TMEM229B: variants seen among roughly 807,000 people sequenced by gnomAD.
TMEM229B encodes chromosome 14 open reading frame 83.
TMEM229B carries 6 observed loss-of-function variants against 13.7 expected under a neutral mutation model. The ratio of observed to expected loss-of-function variants is 0.44; its 90% CI spans 0.24 to 0.86. TMEM229B has a LOEUF of 0.86. TMEM229B is among the 40% of genes least tolerant of loss of function. TMEM229B has a pLI of 0.23. For synonymous variants in TMEM229B, 107 were observed against 102.1 expected (o/e 1.05, Z -0.29); for missense variants, 170 against 236.0 (o/e 0.72, Z 1.83).
At chr14:67,488,722 A>G (rs2032027114), upstream of TMEM229B, 1 of 152,424 alleles carries the variant, frequency 6.6e-6, no homozygotes, top group African/African-American at 2.4e-5. Flanking sequence ...AGTCAGAACT[A>G]AAACAGAAAC....
intron 1 of TMEM229B, among the ~76,000 whole-genome samples, chr14:67,512,236 A>T (rs961777789): frequency 1.3e-5 from 2 of 152,216 alleles, no homozygotes; most frequent in Non-Finnish European, 2.9e-5. Flanking sequence ...AGGGGAACCA[A>T]ACCAAAAGTG....
upstream of TMEM229B, among the ~76,000 whole-genome samples, chr14:67,519,343 C>A (rs1225968389): frequency 1.3e-5 from 2 of 152,222 alleles, no homozygotes; most frequent in Non-Finnish European, 2.9e-5. Context: ...CTCGAAAGGA[C>A]TAGCACAGCA....
At chr14:67,489,336 A>T (rs555348667), upstream of TMEM229B, among the ~76,000 whole-genome samples, 1 of 152,084 alleles carries the variant, frequency 6.6e-6, no homozygotes, top group African/African-American at 2.4e-5. Context: ...TTCCCACCCA[A>T]ATCTCATCCT....
chr14:67,495,969 A>ACACAGG (rs2032349053), intron 1 of TMEM229B, among the ~76,000 whole-genome samples: 1 of 152,194 alleles, frequency 6.6e-6, no homozygotes, highest in South Asian at 2.1e-4. Flanking sequence ...AAGCCCTCAG[A>ACACAGG]CACAGGCACA....
chr14:67,475,170 C>A (rs1323029749), intron 2 of TMEM229B, among the ~76,000 whole-genome samples: 1 of 152,220 alleles, frequency 6.6e-6, no homozygotes, highest in Non-Finnish European at 1.5e-5. Flanking sequence ...CCGCCTTGGC[C>A]TCCCAAAGTG....
chr14:67,533,282 G>C (rs1010886997), intron 1 of TMEM229B: 1 of 151,960 alleles, frequency 6.6e-6, no homozygotes, highest in Admixed American at 6.6e-5. Context: ...GCCGGGGAGG[G>C]GAGAACCGGC....
At chr14:67,501,342 C>T (rs946597933) in intron 1 of TMEM229B, among the ~76,000 whole-genome samples, 2 of 151,976 alleles carry the variant, frequency 1.3e-5, no homozygotes, top group African/African-American at 4.8e-5. Flanking sequence ...ATTTAGTAAT[C>T]AAGATAAACG....
chr14:67,493,115 C>A (rs187345788), upstream of TMEM229B, among the ~76,000 whole-genome samples: 1 of 152,088 alleles, frequency 6.6e-6, no homozygotes, highest in African/African-American at 2.4e-5. Context: ...GTGAAGAGAC[C>A]CTGAAGTAGG....
intron 1 of TMEM229B, among the ~76,000 whole-genome samples, chr14:67,507,029 G>T (rs141053590): frequency 1.1e-4 from 16 of 152,112 alleles, no homozygotes; most frequent in African/African-American, 3.1e-4. Flanking sequence ...TGTTCAAAGG[G>T]AACTGAAGAT....
Position 67,473,320 on chromosome 14 carries a change from G to T in TMEM229B, c.*100C>A. ...GCCCTATAGGGCTGAGGCTTGGCCG[G>T]AGCAGGGCTTTTGCTGCATGGATGG... On this transcript the variant is annotated 3_prime_UTR_variant, in exon 3 of 3. Coordinates refer to ENST00000554480, the MANE Select transcript of TMEM229B (RefSeq NM_001348543.2). This position sits in a 1 kb window ranked among gnomAD's most constrained non-coding sequence, Gnocchi z 6.5. The T allele has an allele frequency of 6.6e-7, 1 of 1,504,456 alleles. No homozygotes were observed. The highest frequency in any genetic ancestry group is 1.3e-5 in the South Asian group (1 of 78,108). 93.2% of individuals were successfully genotyped at this position (1,504,456 alleles called of 1,614,324 possible). A position where few individuals can be genotyped will look rare whatever the true frequency, so the allele number is the denominator to read the frequency against.
intron 1 of TMEM229B, among the ~76,000 whole-genome samples, chr14:67,522,221 G>A (rs1298308226): frequency 6.6e-6 from 1 of 152,066 alleles, no homozygotes; most frequent in East Asian, 1.9e-4. Flanking sequence ...GGGATTGTGC[G>A]GGAGAGCCCC....
At chr14:67,494,186 T>C (rs1201127834) in intron 1 of TMEM229B, among the ~76,000 whole-genome samples, 1 of 152,132 alleles carries the variant, frequency 6.6e-6, no homozygotes, top group Non-Finnish European at 1.5e-5. Context: ...CAAACAGCAC[T>C]TAGGCAAGAG....
intron 2 of TMEM229B, among the ~76,000 whole-genome samples, chr14:67,480,584 G>A (rs910412578): frequency 6.6e-6 from 1 of 152,114 alleles, no homozygotes; most frequent in Non-Finnish European, 1.5e-5. Flanking sequence ...CGGTCTGAGG[G>A]CCTGAGACAG....
intron 1 of TMEM229B, among the ~76,000 whole-genome samples, chr14:67,514,893 C>G (rs976494969): frequency 6.6e-6 from 1 of 152,218 alleles, no homozygotes; most frequent in African/African-American, 2.4e-5. Flanking sequence ...GCGGCTGGAT[C>G]TCGAACCGGG....
Position 67,520,493 on chromosome 14 carries a change from A to G in TMEM229B, c.-192+13143T>C, listed in dbSNP as rs982091389. Among the ~76,000 whole-genome samples, 12 of 152,362 alleles carry G rather than the reference A, an allele frequency of 7.9e-5. No individual in the cohort carries two copies. The South Asian group carries it at 1.0e-3, about 13-fold the overall frequency. ...AGTAATATACATTTAAGTTGCCTCC[A>G]TGCCATTTTATGGCTTGATAGCTTA... is the stretch of plus-strand genomic sequence containing the variant. On this transcript the variant is annotated intron_variant, in intron 1 of 2. Transcript: ENST00000554278.
At chr14:67,480,684 C>G (rs146545276) in intron 2 of TMEM229B, among the ~76,000 whole-genome samples, 1 of 152,188 alleles carries the variant, frequency 6.6e-6, no homozygotes, top group Non-Finnish European at 1.5e-5. Flanking sequence ...CTCTTCCAAC[C>G]CCCAGGGCCC....
intron 1 of TMEM229B, among the ~76,000 whole-genome samples, chr14:67,527,223 T>C (rs2033381407): frequency 1.3e-5 from 2 of 152,214 alleles, no homozygotes; most frequent in Non-Finnish European, 2.9e-5. Flanking sequence ...TGTCCTGGCT[T>C]GGCCACTTGC....
intron 1 of TMEM229B, among the ~76,000 whole-genome samples, chr14:67,498,281 TG>T (rs1214452094): frequency 6.6e-6 from 1 of 152,186 alleles, no homozygotes; most frequent in Non-Finnish European, 1.5e-5. Context: ...TGAGCCACGA[TG>T]GGGGGTGGGC....
chr14:67,479,362 G>C (rs2031435367), intron 2 of TMEM229B, among the ~76,000 whole-genome samples: 1 of 148,604 alleles, frequency 6.7e-6, no homozygotes, highest in Admixed American at 6.8e-5. Context: ...CAGTGAGCGA[G>C]ATCGTACCAC....
Sources: gnomAD v4.1 joint callset for allele counts (sites outside exome capture counted in the v4.1 genomes callset) on GRCh38, gnomAD v4.1.1 for gene constraint, Gnocchi (gnomAD v3.1) non-coding constraint, MANE v1.5 for transcripts, NCBI Gene and HGNC (gene_info 2026-07-23, HGNC 2026-07-21) for gene names.